Variants in AUTS2 observed in about 807,000 individuals in gnomAD.
AUTS2 encodes the protein activator of transcription and developmental regulator AUTS2.
AUTS2 carries 17 observed loss-of-function variants against 112.4 expected under a neutral mutation model. That is an observed-to-expected ratio of 0.15 (90% CI 0.10 to 0.23). AUTS2 has a LOEUF of 0.23. AUTS2 is among the 10% of genes least tolerant of loss of function. AUTS2 has a pLI of 1.00. For missense variants in AUTS2, 1,510 were observed against 1,701.6 expected (o/e 0.89, Z 1.98); for synonymous variants, 751 against 702.7 (o/e 1.07, Z -1.09).
At chr7:70,278,634 C>T (rs1425853602) in intron 4 of AUTS2, among the ~76,000 whole-genome samples, 1 of 151,892 alleles carries the variant, frequency 6.6e-6, no homozygotes, top group African/African-American at 2.4e-5. Flanking sequence ...TATGTACATG[C>T]ATACATACAT....
chr7:69,643,204 G>A (rs1354597919), intron 1 of AUTS2: 1 of 152,266 alleles, frequency 6.6e-6, no homozygotes, highest in Non-Finnish European at 1.5e-5. Flanking sequence ...AGCAGCAAGG[G>A]AGAGAACAAG....
At chr7:70,308,721 A>C (rs1473348288) in intron 4 of AUTS2, among the ~76,000 whole-genome samples, 3 of 152,220 alleles carry the variant, frequency 2.0e-5, no homozygotes, top group Non-Finnish European at 2.9e-5. Flanking sequence ...CAACTGGTGT[A>C]CCACACGGCA....
At chr7:70,115,455 A>G (rs977535603) in intron 2 of AUTS2, among the ~76,000 whole-genome samples, 2 of 152,228 alleles carry the variant, frequency 1.3e-5, no homozygotes, top group Non-Finnish European at 2.9e-5. Context: ...GATTATAGGC[A>G]TGAGCCACTG....
At chr7:70,406,441 C>T (rs1794537035) in intron 4 of AUTS2, among the ~76,000 whole-genome samples, 2 of 152,222 alleles carry the variant, frequency 1.3e-5, no homozygotes, top group African/African-American at 2.4e-5. Context: ...CAGAGCCCAA[C>T]CTAGGGAGCA....
chr7:70,756,540 T>C (rs1470290904), intron 6 of AUTS2, among the ~76,000 whole-genome samples: 1 of 152,220 alleles, frequency 6.6e-6, no homozygotes, highest in African/African-American at 2.4e-5. Flanking sequence ...TATAAAGCCC[T>C]AATAAAATAT....
intron 1 of AUTS2, among the ~76,000 whole-genome samples, chr7:69,806,621 A>C (rs1430908333): frequency 6.6e-6 from 1 of 152,106 alleles, no homozygotes; most frequent in Non-Finnish European, 1.5e-5. Context: ...GGTGTGCACT[A>C]CCACGCCTGG....
chr7:69,661,893 A>AT (rs1461686703), intron 1 of AUTS2, among the ~76,000 whole-genome samples: 3 of 152,182 alleles, frequency 2.0e-5, no homozygotes, highest in East Asian at 1.9e-4. Flanking sequence ...TGACAGTGTT[A>AT]TTTTAACTTG....
At chr7:70,066,661 T>C (rs1424167908) in intron 2 of AUTS2, among the ~76,000 whole-genome samples, 4 of 151,054 alleles carry the variant, frequency 2.6e-5, no homozygotes, top group Non-Finnish European at 5.9e-5. Flanking sequence ...GCTTCAGCCC[T>C]CCTGAATAGC....
intron 5 of AUTS2, among the ~76,000 whole-genome samples, chr7:70,606,447 G>A (rs1314601712): frequency 1.3e-5 from 2 of 152,196 alleles, no homozygotes; most frequent in Non-Finnish European, 2.9e-5. Flanking sequence ...AGCATTTACT[G>A]TGCAGGCACT....
At chr7:69,897,595 A>C (rs6965228) in intron 1 of AUTS2, among the ~76,000 whole-genome samples, 2 of 151,788 alleles carry the variant, frequency 1.3e-5, no homozygotes, top group African/African-American at 2.4e-5. Flanking sequence ...CAAAAAAAAA[A>C]AAAAACAAAA....
chr7:70,552,763 G>A (rs1327756623), intron 5 of AUTS2, among the ~76,000 whole-genome samples: 1 of 152,158 alleles, frequency 6.6e-6, no homozygotes, highest in African/African-American at 2.4e-5. Flanking sequence ...CCCCAAATCT[G>A]AAGCAGTAAC....
chr7:70,684,924 T>C, intron 5 of AUTS2, among the ~76,000 whole-genome samples: 1 of 152,174 alleles, frequency 6.6e-6, no homozygotes. Flanking sequence ...CTCTAGGGCA[T>C]TTTTGGCAGC....
At chr7:69,601,910 G>A (rs989578775) in intron 1 of AUTS2, among the ~76,000 whole-genome samples, 5 of 151,830 alleles carry the variant, frequency 3.3e-5, no homozygotes, top group Non-Finnish European at 7.4e-5. Flanking sequence ...GTAAGAGCTG[G>A]TTACAAGTGG....
intron 2 of AUTS2, among the ~76,000 whole-genome samples, chr7:69,967,937 T>G (rs527782964): frequency 2.0e-5 from 3 of 152,342 alleles, no homozygotes; most frequent in South Asian, 4.1e-4. Flanking sequence ...GTATTTCCTT[T>G]GGCTTAATGA....
At chr7:70,281,783 G>T (rs551445121) in intron 4 of AUTS2, among the ~76,000 whole-genome samples, 4 of 152,256 alleles carry the variant, frequency 2.6e-5, no homozygotes, top group Admixed American at 2.6e-4. Context: ...GCACTTAAAG[G>T]CTATTGTCAT....
At chr7:69,698,092 T>C (rs530678628) in intron 1 of AUTS2, among the ~76,000 whole-genome samples, 2 of 152,338 alleles carry the variant, frequency 1.3e-5, no homozygotes, top group Admixed American at 1.3e-4. Flanking sequence ...TATGTATAAC[T>C]CAATTTATAC....
intron 4 of AUTS2, among the ~76,000 whole-genome samples, chr7:70,393,599 G>A (rs1793959342): frequency 6.6e-6 from 1 of 152,126 alleles, no homozygotes; most frequent in Non-Finnish European, 1.5e-5. Context: ...CTGGTCCTCT[G>A]TCCTTGCGAA....
intron 4 of AUTS2, among the ~76,000 whole-genome samples, chr7:70,237,471 T>TA (rs1245203936): frequency 1.3e-5 from 2 of 152,224 alleles, no homozygotes; most frequent in Admixed American, 1.3e-4. Flanking sequence ...AGGACTCTTC[T>TA]ACTCATATGA....
chr7:69,974,238 T>C (rs1406832552), intron 2 of AUTS2, among the ~76,000 whole-genome samples: 2 of 151,318 alleles, frequency 1.3e-5, no homozygotes, highest in African/African-American at 2.4e-5. Context: ...GTATTCTTTA[T>C]TGACTTCTTG....
Sources: gnomAD v4.1 joint callset for allele counts (sites outside exome capture counted in the v4.1 genomes callset) on GRCh38, gnomAD v4.1.1 for gene constraint, MANE v1.5 for transcripts, NCBI Gene and HGNC (gene_info 2026-07-23, HGNC 2026-07-21) for gene names.